COL25A1: variants seen among roughly 807,000 people sequenced by gnomAD.
The protein encoded by COL25A1 is collagen alpha-1(XXV) chain.
A neutral mutation model predicts 128.4 loss-of-function variants in COL25A1; 103 were observed. The observed-to-expected ratio is 0.80, with a 90% confidence interval of 0.68 to 0.94. The LOEUF is 0.94. COL25A1 is among the 40% of genes least tolerant of loss of function. The pLI, the probability that COL25A1 is intolerant of heterozygous loss-of-function variation, is 0.00. For missense variants in COL25A1, 745 were observed against 840.0 expected, an observed-to-expected ratio of 0.89 and a Z score of 1.40; for synonymous variants, 279 against 277.2, an observed-to-expected ratio of 1.01 and a Z score of -0.06.
chr4:109,206,029 T>C (rs1645121037), intron 3 of COL25A1, among the ~76,000 whole-genome samples: 1 of 152,126 alleles, frequency 6.6e-6, no homozygotes, highest in Non-Finnish European at 1.5e-5. Context: ...AACAAGATTA[T>C]TTTAACTCAT....
intron 15 of COL25A1, among the ~76,000 whole-genome samples, 176 bp downstream of exon 15, chr4:108,898,972 CATATCT>C (rs1742483394): frequency 7.2e-6 from 1 of 139,740 alleles, no homozygotes; most frequent in African/African-American, 2.6e-5. Context: ...ACACAGGAGT[CATATCT>C]ATATCTATAT....
chr4:108,942,913 G>A (rs1037709640), intron 8 of COL25A1, among the ~76,000 whole-genome samples: 4 of 151,448 alleles, frequency 2.6e-5, no homozygotes, highest in Admixed American at 1.3e-4. Flanking sequence ...GCACCACCAC[G>A]CCCAGCTAAT....
chr4:109,126,226 GT>G (rs1768590283), intron 3 of COL25A1, among the ~76,000 whole-genome samples: 1 of 152,110 alleles, frequency 6.6e-6, no homozygotes, highest in Non-Finnish European at 1.5e-5. Context: ...CTTGATAAAT[GT>G]TGACATTTTT....
intron 5 of COL25A1, 146 bp downstream of exon 5, chr4:109,048,022 G>A (rs982249397): frequency 3.8e-5 from 32 of 840,922 alleles, no homozygotes; most frequent in South Asian, 1.0e-4. Context: ...GTGAGCCACC[G>A]CGACTGACCA....
intron 3 of COL25A1, among the ~76,000 whole-genome samples, chr4:109,137,860 C>T (rs1377619211): frequency 1.3e-5 from 2 of 152,064 alleles, no homozygotes; most frequent in Non-Finnish European, 2.9e-5. Context: ...ATCCTACATG[C>T]ATCTGAAAGA....
chr4:108,913,261 CTTTTTT>C (rs201929872), intron 13 of COL25A1, among the ~76,000 whole-genome samples: 2 of 92,396 alleles, frequency 2.2e-5, no homozygotes, highest in African/African-American at 3.5e-5. Flanking sequence ...TCTCTAGCTC[CTTTTTT>C]TTTTTTTTTT....
chr4:109,108,056 T>A (rs1007250357), intron 3 of COL25A1, among the ~76,000 whole-genome samples: 1 of 152,158 alleles, frequency 6.6e-6, no homozygotes. Flanking sequence ...ATACTTTAAG[T>A]TTTAGGGTAC....
chr4:109,150,064 AGTGT>A lies in COL25A1; in HGVS notation c.368-99889_368-99886del, dbSNP rs950909073. 4.6e-5 allele frequency among the ~76,000 whole-genome samples: 7 copies of A among 150,550 alleles called. No individual in the cohort carries two copies. The East Asian group carries it at 1.2e-3, about 25-fold the overall frequency. The stretch of plus-strand genomic sequence containing the variant: ...TGTGTGTATGTGTGAGTATGTATGC[AGTGT>A]GTATGTGTGTTTGTATGTCTGTATG... On this transcript the variant is annotated intron_variant, in intron 3 of 37. Coordinates refer to ENST00000399132, the MANE Select transcript of COL25A1 (RefSeq NM_198721.4).
intron 3 of COL25A1, among the ~76,000 whole-genome samples, chr4:109,159,592 C>T (rs555842536): frequency 8.8e-4 from 133 of 151,976 alleles, no homozygotes; most frequent in Admixed American, 2.4e-3. Context: ...TTTGATAGTA[C>T]GAAGCATGGT....
At chr4:108,878,016 T>C (rs1421185600) in intron 19 of COL25A1, among the ~76,000 whole-genome samples, 1 of 152,134 alleles carries the variant, frequency 6.6e-6, no homozygotes, top group Non-Finnish European at 1.5e-5. Flanking sequence ...GGATTACTAG[T>C]CAATGTAAGA....
chr4:109,245,044 T>A (rs894513375), intron 3 of COL25A1, among the ~76,000 whole-genome samples: 2 of 152,154 alleles, frequency 1.3e-5, no homozygotes, highest in African/African-American at 4.8e-5. Context: ...TTGACACAGT[T>A]AAGACAAAAT....
intron 26 of COL25A1, among the ~76,000 whole-genome samples, chr4:108,850,383 T>A (rs1418908419): frequency 6.9e-6 from 1 of 144,674 alleles, no homozygotes; most frequent in Non-Finnish European, 1.5e-5. Context: ...ACCCCAATTA[T>A]CCCAACCTTC....
At chr4:108,935,903 C>T (rs532642446) in intron 11 of COL25A1, among the ~76,000 whole-genome samples, 1 of 152,062 alleles carries the variant, frequency 6.6e-6, no homozygotes, top group East Asian at 1.9e-4. Context: ...TATTAGGATG[C>T]TGTGTTGGGT....
At chr4:109,018,860 A>G (rs867420385) in intron 5 of COL25A1, among the ~76,000 whole-genome samples, 1 of 152,244 alleles carries the variant, frequency 6.6e-6, no homozygotes. Context: ...CTAATATTCC[A>G]GAAAGTATTC....
At chr4:109,226,293 G>T (rs553262754) in intron 3 of COL25A1, among the ~76,000 whole-genome samples, 1 of 152,042 alleles carries the variant, frequency 6.6e-6, no homozygotes, top group East Asian at 1.9e-4. Context: ...CCTGGGTGAT[G>T]GTTACACTAA....
At chr4:109,132,630 CAAATT>C (rs983006940) in intron 3 of COL25A1, among the ~76,000 whole-genome samples, 3 of 151,980 alleles carry the variant, frequency 2.0e-5, no homozygotes, top group African/African-American at 7.2e-5. Context: ...ATTAAGAAAA[CAAATT>C]AAATTATAAT....
chr4:109,201,666 A>G (rs1776567106), intron 3 of COL25A1, among the ~76,000 whole-genome samples: 1 of 152,188 alleles, frequency 6.6e-6, no homozygotes, highest in Non-Finnish European at 1.5e-5. Flanking sequence ...AGGATATAAG[A>G]GGCATATAGA....
intron 3 of COL25A1, among the ~76,000 whole-genome samples, chr4:109,267,098 T>C (rs570388382): frequency 1.8e-4 from 27 of 152,326 alleles, no homozygotes; most frequent in African/African-American, 6.5e-4. Flanking sequence ...TGCAGCCCTT[T>C]CTCTGGTAGA....
intron 3 of COL25A1, among the ~76,000 whole-genome samples, chr4:109,253,010 G>A (rs113495127): frequency 0.039 from 5,999 of 152,178 alleles, 406 homozygotes; most frequent in African/African-American, 0.14. Context: ...CTGCTTCTTC[G>A]TGTAACTTAC....
Sources: allele counts gnomAD v4.1 joint callset (sites outside exome capture counted in the v4.1 genomes callset), GRCh38; gene constraint gnomAD v4.1.1; transcripts MANE v1.5; gene names NCBI Gene and HGNC (gene_info 2026-07-23, HGNC 2026-07-21).